TAF2: variants seen among roughly 807,000 people sequenced by gnomAD.
TAF2 encodes the protein TATA-box binding protein associated factor 2, also known as transcription initiation factor TFIID subunit 2.
Under a neutral mutation model 138.5 loss-of-function variants are expected in TAF2, and 61 were observed. That is an observed-to-expected ratio of 0.44 (90% confidence interval 0.36 to 0.54). The LOEUF is 0.54. Among genes scored for constraint, TAF2 ranks in the 20% least tolerant of loss-of-function variants. TAF2 has a pLI of 0.00. For synonymous variants in TAF2, 475 were observed against 469.9 expected, an observed-to-expected ratio of 1.01 and a Z score of -0.14; for missense variants, 1,090 against 1,427.9, an observed-to-expected ratio of 0.76 and a Z score of 3.81.
At chr8:119,790,678 C>T (rs956830308) in intron 11 of TAF2, among the ~76,000 whole-genome samples, 2 of 152,070 alleles carry the variant, frequency 1.3e-5, no homozygotes, top group Admixed American at 6.5e-5. Context: ...CAAAAATAAA[C>T]ATCTTTTTTA....
chr8:119,796,487 C>T (rs1002122287), intron 8 of TAF2, among the ~76,000 whole-genome samples: 1 of 152,090 alleles, frequency 6.6e-6, no homozygotes, highest in Admixed American at 6.5e-5. Context: ...CACTAGTAGG[C>T]AAATCCCTAA....
chr8:119,756,877 AAGG>A (rs1173958636), intron 21 of TAF2, among the ~76,000 whole-genome samples: 3 of 152,192 alleles, frequency 2.0e-5, no homozygotes, highest in Non-Finnish European at 2.9e-5. Context: ...AGAAAAAAGA[AAGG>A]AGAAGTAAGA....
chr8:119,806,184 G>GAGGCAC (rs1824628541), intron 4 of TAF2, 99 bp downstream of exon 4: 1 of 1,045,156 alleles, frequency 9.6e-7, no homozygotes, highest in African/African-American at 1.6e-5. Flanking sequence ...TTACAGGCAT[G>GAGGCAC]AGGCACAGTG....
At chr8:119,790,789 C>G (rs920859331) in intron 11 of TAF2, among the ~76,000 whole-genome samples, 4 of 150,652 alleles carry the variant, frequency 2.7e-5, no homozygotes, top group African/African-American at 9.9e-5. Context: ...TTACTTTCAT[C>G]CCCACAATTC....
intron 3 of TAF2, among the ~76,000 whole-genome samples, chr8:119,814,072 A>G (rs1016834259): frequency 6.6e-6 from 1 of 152,186 alleles, no homozygotes; most frequent in African/African-American, 2.4e-5. Context: ...GCAGTAAGCT[A>G]TGATTACACC....
At chr8:119,801,726 C>T in intron 6 of TAF2, 68 bp downstream of exon 6, 9 of 1,505,380 alleles carry the variant, frequency 6.0e-6, no homozygotes, top group South Asian at 1.1e-5. Context: ...CCGTGCCTTG[C>T]CAATATCTAT....
chr8:119,820,691 T>G (rs967155346), intron 2 of TAF2, among the ~76,000 whole-genome samples: 4 of 152,188 alleles, frequency 2.6e-5, no homozygotes, highest in Non-Finnish European at 5.9e-5. Context: ...AAGAATTGTT[T>G]TTAGGTAACA....
intron 13 of TAF2, 133 bp downstream of exon 13, chr8:119,788,657 A>G (rs936058339): frequency 7.7e-5 from 63 of 814,476 alleles, no homozygotes; most frequent in Non-Finnish European, 1.2e-4. Flanking sequence ...TCTTTGACAA[A>G]GTCAATGTTT....
intron 18 of TAF2, among the ~76,000 whole-genome samples, chr8:119,775,320 C>A (rs934731630): frequency 2.0e-5 from 3 of 148,984 alleles, no homozygotes; most frequent in Non-Finnish European, 4.5e-5. Context: ...ATCCCCAAAT[C>A]AAGCATCAGA....
chr8:119,804,613 C>T (rs1343373520), intron 4 of TAF2, among the ~76,000 whole-genome samples: 1 of 152,210 alleles, frequency 6.6e-6, no homozygotes, highest in African/African-American at 2.4e-5. Context: ...TAAGACATGA[C>T]TTGCTCTTCC....
chr8:119,797,204 G>C, intron 7 of TAF2, 101 bp from the exon 8 acceptor site: 2 of 883,852 alleles, frequency 2.3e-6, no homozygotes, highest in Non-Finnish European at 3.5e-6. Context: ...AAGCTAAATA[G>C]AGAAAAAATT....
intron 16 of TAF2, among the ~76,000 whole-genome samples, chr8:119,781,895 C>G (rs977509488): frequency 1.3e-5 from 2 of 152,018 alleles, no homozygotes; most frequent in Non-Finnish European, 2.9e-5. Flanking sequence ...ACCATGTAGG[C>G]CAGGTTGGTC....
At chr8:119,732,791 G>A (rs908471331) in intron 25 of TAF2, among the ~76,000 whole-genome samples, 2 of 152,070 alleles carry the variant, frequency 1.3e-5, no homozygotes, top group Non-Finnish European at 2.9e-5. Context: ...GTGATAGAGT[G>A]AGACTCCATC....
At chr8:119,817,915 T>G (rs2131252270) in intron 3 of TAF2, among the ~76,000 whole-genome samples, 1 of 152,328 alleles carries the variant, frequency 6.6e-6, no homozygotes, top group South Asian at 2.1e-4. Flanking sequence ...GCAGATAATT[T>G]TGTAATAAGT....
At chr8:119,787,949 G>A (rs1439856924) in intron 14 of TAF2, among the ~76,000 whole-genome samples, 2 of 152,160 alleles carry the variant, frequency 1.3e-5, no homozygotes, top group East Asian at 1.9e-4. Flanking sequence ...GGACATGGAC[G>A]AAGCTGGAAA....
intron 3 of TAF2, among the ~76,000 whole-genome samples, chr8:119,811,397 T>C (rs967831399): frequency 6.6e-6 from 1 of 152,160 alleles, no homozygotes; most frequent in Admixed American, 6.5e-5. Flanking sequence ...AAGTAAACTT[T>C]TATGGAAGTA....
intron 3 of TAF2, among the ~76,000 whole-genome samples, chr8:119,810,722 A>C (rs1448459309): frequency 6.6e-6 from 1 of 152,208 alleles, no homozygotes; most frequent in African/African-American, 2.4e-5. Context: ...AAATTTCAAA[A>C]ACATAAAATT....
chr8:119,742,430 A>T lies in TAF2; in HGVS notation c.3337+104T>A, dbSNP rs1586290403. On this transcript the variant is annotated intron_variant, in intron 25 of 25. Coordinates refer to ENST00000378164, the MANE Select transcript of TAF2 (RefSeq NM_003184.4). ...ATTACAAGAAAAGCCAAGTCCTAAG[A>T]TCTGTATTTTTAAAGGGTTTTTTAA... 9.0e-6 allele frequency: 13 copies of T among 1,443,802 alleles called. No individual in the cohort carries two copies. In the East Asian group the frequency reaches 1.5e-4, roughly 17 times the overall value. 89.4% of individuals were successfully genotyped at this position (1,443,802 alleles called of 1,614,324 possible).
intron 3 of TAF2, among the ~76,000 whole-genome samples, chr8:119,817,600 C>G (rs1825562285): frequency 6.6e-6 from 1 of 152,278 alleles, no homozygotes; most frequent in East Asian, 1.9e-4. Flanking sequence ...CAAAGTAAAG[C>G]TTGCTTCCTT....
Sources: gnomAD v4.1 joint callset for allele counts (sites outside exome capture counted in the v4.1 genomes callset) on GRCh38, gnomAD v4.1.1 for gene constraint, MANE v1.5 for transcripts, NCBI Gene and HGNC (gene_info 2026-07-23, HGNC 2026-07-21) for gene names.